The following SSH1 variants were observed in gnomAD, a reference collection of about 807,000 sequenced individuals.
SSH1 encodes the protein protein phosphatase Slingshot homolog 1.
In SSH1, 43 loss-of-function variants were observed where a neutral mutation model predicts 79.7. That is an observed-to-expected ratio of 0.54 (90% CI 0.42 to 0.70). The LOEUF (loss-of-function observed/expected upper bound fraction) is 0.70. SSH1 is among the 30% of genes least tolerant of loss of function. The probability of loss-of-function intolerance (pLI) is 0.00; values close to 1 mark genes in which losing one functional copy is unlikely to be tolerated. For missense variants in SSH1, 1,206 were observed against 1,358.8 expected, an observed-to-expected ratio of 0.89 and a Z score of 1.77; for synonymous variants, 599 against 538.3, an observed-to-expected ratio of 1.11 and a Z score of -1.56.
intron 2 of SSH1, among the ~76,000 whole-genome samples, chr12:108,826,646 C>T (rs982203389): frequency 3.9e-5 from 6 of 152,184 alleles, no homozygotes; most frequent in African/African-American, 1.4e-4. Flanking sequence ...CTTCTGAGCT[C>T]ACTCTGGGCC....
At chr12:108,850,932 TC>T (rs1240750761) in intron 2 of SSH1, among the ~76,000 whole-genome samples, 1 of 151,736 alleles carries the variant, frequency 6.6e-6, no homozygotes, top group Non-Finnish European at 1.5e-5. Context: ...AGCCCCTCTT[TC>T]AGTTCCTCCT....
rs183718570 is a variant in SSH1 at position 108,855,089 on chromosome 12, T to C, written c.69+2339A>G. ...TTTATATAATAATTGAAAATGTATC[T>C]AGTAGACACAACACAAATGTCCAAC... On this transcript the variant is annotated intron_variant, in intron 1 of 14. Coordinates refer to ENST00000326495, the MANE Select transcript of SSH1 (RefSeq NM_018984.4). 9.8e-5 allele frequency among the ~76,000 whole-genome samples: 15 copies of C among 152,318 alleles called. No individual in the cohort carries two copies. In the East Asian group the frequency reaches 2.9e-3, roughly 29 times the overall value.
chr12:108,791,387 T>C (rs1203136292), intron 14 of SSH1, among the ~76,000 whole-genome samples: 1 of 152,190 alleles, frequency 6.6e-6, no homozygotes, highest in Non-Finnish European at 1.5e-5. Context: ...GGATTACAGA[T>C]GTGAGCTACC....
Position 108,807,574 on chromosome 12 carries a change from G to C in SSH1, c.731+59C>G. The C allele has an allele frequency of 3.2e-6, 5 of 1,560,324 alleles. No homozygotes were observed. The highest frequency in any genetic ancestry group is 2.3e-5 in the East Asian group (1 of 44,330). On this transcript the variant is annotated intron_variant, in intron 8 of 14. Transcript: ENST00000326495. The surrounding 1 kb of genome is among the most constrained non-coding windows in gnomAD (Gnocchi z 5.2). The stretch of plus-strand genomic sequence containing the variant: ...GTTCAGGGTCGGGCACAGGGCAGGT[G>C]GGGGAGAGGCAGGTGCCTGTGGGCT...
intron 2 of SSH1, among the ~76,000 whole-genome samples, chr12:108,844,640 T>C (rs1323576208): frequency 6.6e-6 from 1 of 152,178 alleles, no homozygotes; most frequent in Non-Finnish European, 1.5e-5. Context: ...TCTTTGAATG[T>C]GGGAGGGACC....
chr12:108,805,884 C>G (rs1157386700), intron 9 of SSH1, among the ~76,000 whole-genome samples: 1 of 152,062 alleles, frequency 6.6e-6, no homozygotes, highest in Non-Finnish European at 1.5e-5. Flanking sequence ...TTGATACTTG[C>G]AGGTCAAGCT....
At chr12:108,793,833 G>C (rs933860008) in intron 13 of SSH1, among the ~76,000 whole-genome samples, 1 of 152,230 alleles carries the variant, frequency 6.6e-6, no homozygotes, top group Non-Finnish European at 1.5e-5. Context: ...GTAAATGTAA[G>C]AGCACAGTGT....
intron 5 of SSH1, among the ~76,000 whole-genome samples, chr12:108,813,714 A>T (rs78416913): frequency 2.6e-5 from 3 of 114,186 alleles, no homozygotes; most frequent in South Asian, 2.6e-4. Context: ...TCTCCAAATT[A>T]AAAAAAAAAA....
chr12:108,822,455 T>C (rs1254905574), intron 3 of SSH1, among the ~76,000 whole-genome samples: 1 of 151,434 alleles, frequency 6.6e-6, no homozygotes, highest in Non-Finnish European at 1.5e-5. Flanking sequence ...TTTGTTGTTA[T>C]TGTTTTTAAG....
At chr12:108,826,097 T>C (rs759885695) in intron 2 of SSH1, 6 of 449,400 alleles carry the variant, frequency 1.3e-5, no homozygotes, top group South Asian at 3.2e-5. Context: ...AAAAAATTCA[T>C]ACTGACCAGA....
In SSH1 at chr12:108,807,499, A is replaced by T. The variant is rs2037342689; in HGVS notation, c.731+134T>A. On this transcript the variant is annotated intron_variant, in intron 8 of 14. Transcript: ENST00000326495. The surrounding 1 kb of genome is among the most constrained non-coding windows in gnomAD (Gnocchi z 5.2). ...CTGCTTTAAACGCTGGTTCTGAGAA[A>T]GCTAGGGTTCTCACTCAAGGGACTC... 1 of 767,748 alleles carries T rather than the reference A, an allele frequency of 1.3e-6. No individual in the cohort carries two copies. Among genetic ancestry groups the T allele is most frequent in the African/African-American group, 1.7e-5 (1 of 58,052 alleles). The allele number at this position is 767,748 out of a possible 1,614,324, so 47.6% of individuals were successfully genotyped here. A position where few individuals can be genotyped will look rare whatever the true frequency, so the allele number is the denominator to read the frequency against.
Position 108,817,392 on chromosome 12 carries a change from G to A in SSH1, c.280-233C>T, listed in dbSNP as rs548400294. On this transcript the variant is annotated intron_variant, in intron 4 of 14. Coordinates refer to ENST00000326495, the MANE Select transcript of SSH1 (RefSeq NM_018984.4). The stretch of plus-strand genomic sequence containing the variant: ...AGTTCGAGACCAGCCTGGCCAACAT[G>A]GCAAAACCCCATCTCTTACTAAAAA... 5.9e-5 allele frequency: 28 copies of A among 476,222 alleles called. No homozygotes were observed. The East Asian group carries it at 1.2e-3, about 20-fold the overall frequency. The allele number at this position is 476,222 out of a possible 1,614,324, so 29.5% of individuals were successfully genotyped here.
At chr12:108,848,349 A>G (rs961652962) in intron 2 of SSH1, among the ~76,000 whole-genome samples, 1 of 152,148 alleles carries the variant, frequency 6.6e-6, no homozygotes, top group Non-Finnish European at 1.5e-5. Flanking sequence ...GATGACCCAA[A>G]AGATGAAACT....
At chr12:108,802,818 CT>C (rs1318017534) in intron 10 of SSH1, among the ~76,000 whole-genome samples, 1 of 152,210 alleles carries the variant, frequency 6.6e-6, no homozygotes, top group Non-Finnish European at 1.5e-5. Flanking sequence ...AGTTCCCACC[CT>C]CTGACCCAGT....
intron 12 of SSH1, among the ~76,000 whole-genome samples, chr12:108,799,509 A>G (rs1378353477): frequency 6.6e-6 from 1 of 152,186 alleles, no homozygotes; most frequent in Admixed American, 6.5e-5. Context: ...TCAGGGACCA[A>G]GTGAGAATCT....
rs756070941 is a variant in SSH1 at position 108,817,047 on chromosome 12, C to T, written c.392G>A (p.Ser131Asn). 2.9e-5 allele frequency: 46 copies of T among 1,613,992 alleles called. No individual in the cohort carries two copies. The highest frequency in any genetic ancestry group is 2.2e-5 in the South Asian group (2 of 91,092). ...ENILLGVDFSSKESKSCTIGM... is the reference protein window; with the variant it reads ...ENILLGVDFSNKESKSCTIGM... ...AGCCCATCAGACTCACCTTTCCTTA[C>T]TGGAAAAGTCCACTCCCAGCAAGAT... The change falls in exon 5 of 15, where the codon AGT becomes AAT. Residue 131 changes from serine (S) to asparagine (N), a missense_variant. Around this residue, in one of 5 missense-constraint regions of SSH1, gnomAD observed 115 missense variants for 173.9 expected, o/e 0.66. Transcript: ENST00000326495.
In SSH1 at chr12:108,788,216, C is replaced by T; in HGVS notation, c.2922G>A (p.Lys974=). The T allele has an allele frequency of 6.2e-7, 1 of 1,613,990 alleles. No individual in the cohort carries two copies. Among genetic ancestry groups the T allele is most frequent in the Non-Finnish European group, 8.5e-7 (1 of 1,180,016 alleles). The change falls in exon 15 of 15, where the codon AAG becomes AAA. Residue 974 remains lysine, a synonymous_variant. Transcript: ENST00000326495. ...CCAGCTTGGCAAGAGAGTGTGAGCG[C>T]TTCAGTGGGGAAGAGACGGTGAGGC... is the stretch of plus-strand genomic sequence containing the variant. ...LAGLTVSSPL[K]RSHSLAKLGS... is the part of the protein sequence containing the mutation.
intron 5 of SSH1, among the ~76,000 whole-genome samples, chr12:108,816,030 A>G (rs1414182364): frequency 6.6e-6 from 1 of 152,114 alleles, no homozygotes; most frequent in Non-Finnish European, 1.5e-5. Context: ...AATGCTCCTC[A>G]AATGCACCTT....
chr12:108,805,016 T>C (rs775388673), intron 10 of SSH1, 40 bp downstream of exon 10: 1 of 1,610,110 alleles, frequency 6.2e-7, no homozygotes, highest in South Asian at 1.1e-5. Flanking sequence ...GTCTGATTTA[T>C]GTCCCCCAAA....
Sources: gnomAD v4.1 joint callset for allele counts (sites outside exome capture counted in the v4.1 genomes callset) on GRCh38, gnomAD v4.1.1 for gene constraint, gnomAD v4.1.1 regional missense constraint, Gnocchi (gnomAD v3.1) non-coding constraint, MANE v1.5 for transcripts, NCBI Gene and HGNC (gene_info 2026-07-23, HGNC 2026-07-21) for gene names.